DUSP13B: variants seen among roughly 807,000 people sequenced by gnomAD.
The protein encoded by DUSP13B is dual specificity protein phosphatase 13B.
At chr10:75,106,200 C>T in the DUSP13B span, among the ~76,000 whole-genome samples, 1 of 151,314 alleles carries the variant, frequency 6.6e-6, no homozygotes, top group African/African-American at 2.4e-5. Context: ...CCTTGGCCTC[C>T]CAAAGTGTTG....
chr10:75,105,783 G>A, the DUSP13B span: 1 of 1,551,268 alleles, frequency 6.4e-7, no homozygotes, highest in Admixed American at 2.0e-5. Context: ...CCTGGCGCAG[G>A]GACAGCCGCT....
At chr10:75,097,385 T>C in the DUSP13B span, among the ~76,000 whole-genome samples, 1 of 152,146 alleles carries the variant, frequency 6.6e-6, no homozygotes, top group African/African-American at 2.4e-5. Flanking sequence ...ATTTTTTGTA[T>C]TTTTAGTAGA....
the DUSP13B span, among the ~76,000 whole-genome samples, chr10:75,106,895 A>G: frequency 6.6e-6 from 1 of 152,256 alleles, no homozygotes; most frequent in Admixed American, 6.5e-5. Context: ...AGGAAACTGA[A>G]GTCCAGAAAG....
At chr10:75,102,272 C>T in the DUSP13B span, among the ~76,000 whole-genome samples, 3 of 152,072 alleles carry the variant, frequency 2.0e-5, no homozygotes, top group East Asian at 3.9e-4. Context: ...GTCAGGAGAT[C>T]GAGACCATCC....
chr10:75,101,506 T>C, the DUSP13B span, among the ~76,000 whole-genome samples: 1 of 152,194 alleles, frequency 6.6e-6, no homozygotes, highest in Non-Finnish European at 1.5e-5. Flanking sequence ...TTAGCACTCA[T>C]CAAGGATGTA....
the DUSP13B span, among the ~76,000 whole-genome samples, chr10:75,096,589 A>AG: frequency 3.3e-5 from 5 of 151,642 alleles, no homozygotes; most frequent in Non-Finnish European, 7.4e-5. Flanking sequence ...AAAAAAAAAA[A>AG]AAAAGAAAAA....
the DUSP13B span, among the ~76,000 whole-genome samples, chr10:75,098,520 G>C: frequency 2.0e-5 from 3 of 152,208 alleles, no homozygotes; most frequent in African/African-American, 7.2e-5. Flanking sequence ...CCAGCACTTT[G>C]GGAGGCTGAG....
the DUSP13B span, chr10:75,105,772 G>A: frequency 2.0e-5 from 31 of 1,551,622 alleles, no homozygotes; most frequent in Middle Eastern, 2.0e-4. Context: ...GGTGATCACC[G>A]CCTGGCGCAG....
At chr10:75,097,022 T>G in the DUSP13B span, among the ~76,000 whole-genome samples, 1 of 152,146 alleles carries the variant, frequency 6.6e-6, no homozygotes, top group Non-Finnish European at 1.5e-5. Context: ...AACTACACTG[T>G]TTAGATATAT....
At chr10:75,103,923 G>T in the DUSP13B span, 18 of 1,315,470 alleles carry the variant, frequency 1.4e-5, no homozygotes, top group South Asian at 2.1e-4. Flanking sequence ...TGGCTGAGAG[G>T]GGGTGTAGGC....
At chr10:75,101,844 C>T in the DUSP13B span, 6 of 1,362,524 alleles carry the variant, frequency 4.4e-6, no homozygotes, top group East Asian at 9.1e-5. Flanking sequence ...CCTACCCCCC[C>T]CAAATTAGGA....
the DUSP13B span, chr10:75,103,941 G>A: frequency 3.8e-6 from 5 of 1,321,176 alleles, no homozygotes; most frequent in South Asian, 6.1e-5. Flanking sequence ...GGCGCCAGGA[G>A]GAGCCAGATG....
At chr10:75,096,020 C>T in the DUSP13B span, among the ~76,000 whole-genome samples, 3 of 152,120 alleles carry the variant, frequency 2.0e-5, no homozygotes, top group Non-Finnish European at 2.9e-5. Context: ...TTTGGGAGAC[C>T]GAGGTGGGCA....
the DUSP13B span, chr10:75,098,998 A>C: frequency 1.6e-6 from 2 of 1,232,178 alleles, no homozygotes; most frequent in Non-Finnish European, 2.0e-6. Flanking sequence ...TGAGCCACAC[A>C]CCTGCCTACA....
the DUSP13B span, among the ~76,000 whole-genome samples, chr10:75,097,273 ATC>A: frequency 6.6e-6 from 1 of 151,816 alleles, no homozygotes; most frequent in Non-Finnish European, 1.5e-5. Flanking sequence ...CAGTGGCACG[ATC>A]TCGGCTCACT....
the DUSP13B span, chr10:75,097,627 G>A: frequency 9.6e-6 from 13 of 1,351,276 alleles, no homozygotes; most frequent in Admixed American, 2.6e-5. Flanking sequence ...TGCCCTAGAG[G>A]GCTCTGAGAG....
chr10:75,095,653 C>T, the DUSP13B span: 2 of 1,614,202 alleles, frequency 1.2e-6, no homozygotes, highest in South Asian at 1.1e-5. Flanking sequence ...AAGGGGTTGT[C>T]GTCCGCCTCG....
the DUSP13B span, among the ~76,000 whole-genome samples, chr10:75,101,231 T>C: frequency 1.3e-5 from 2 of 152,150 alleles, no homozygotes; most frequent in Non-Finnish European, 2.9e-5. Context: ...GGTCTTGTCT[T>C]CACCAAGCCA....
At chr10:75,107,122 G>A in the DUSP13B span, among the ~76,000 whole-genome samples, 7 of 152,196 alleles carry the variant, frequency 4.6e-5, no homozygotes, top group African/African-American at 7.2e-5. Context: ...GATCACTTGA[G>A]GTTAGGAGTT....
Sources: allele counts gnomAD v4.1 joint callset (sites outside exome capture counted in the v4.1 genomes callset), GRCh38; gene constraint gnomAD v4.1.1; transcripts MANE v1.5; gene names NCBI Gene and HGNC (gene_info 2026-07-23, HGNC 2026-07-21).